The following SOBP variants were observed in gnomAD, a reference collection of about 807,000 sequenced individuals.
SOBP encodes the protein sine oculis binding protein homolog, also known as sine oculis-binding protein homolog.
Under a neutral mutation model 53.6 loss-of-function variants are expected in SOBP, and 4 were observed. That is an observed-to-expected ratio of 0.07 (90% CI 0.04 to 0.17). SOBP has a LOEUF of 0.17. Ranked by LOEUF, SOBP falls within the 10% of genes least tolerant of loss-of-function variation. SOBP has a pLI of 1.00. For missense variants in SOBP, 1,088 were observed against 1,204.7 expected (o/e 0.90, Z 1.43); for synonymous variants, 584 against 522.6 (o/e 1.12, Z -1.60).
chr6:107,585,814 A>G (rs1458857141), intron 4 of SOBP, among the ~76,000 whole-genome samples: 1 of 152,194 alleles, frequency 6.6e-6, no homozygotes, highest in Non-Finnish European at 1.5e-5. Flanking sequence ...TGTACAAAAT[A>G]TGGATCTCTT....
intron 5 of SOBP, among the ~76,000 whole-genome samples, chr6:107,629,689 G>A (rs1770619557): frequency 6.6e-6 from 1 of 152,248 alleles, no homozygotes; most frequent in African/African-American, 2.4e-5. Context: ...CTTTGGAGCA[G>A]TTGAGCGGTG....
chr6:107,620,138 A>G (rs1333305397), intron 5 of SOBP, among the ~76,000 whole-genome samples: 1 of 152,162 alleles, frequency 6.6e-6, no homozygotes, highest in Non-Finnish European at 1.5e-5. Flanking sequence ...CCACAGTGCT[A>G]ATAACTGAGC....
At position 107,644,496 on chromosome 6, in the gene SOBP, A is replaced by G. The variant is rs72945686; in HGVS notation, c.*3+9027A>G. ...ATAGGATCCTGTCTTTATCATAGGT[A>G]GCCTGTTTGTGCACTTAATATGAAA... On this transcript the variant is annotated intron_variant, in intron 6 of 6. Coordinates refer to ENST00000317357, the MANE Select transcript of SOBP (RefSeq NM_018013.4). Among the ~76,000 whole-genome samples, 1,265 of 152,314 alleles carry G rather than the reference A, an allele frequency of 8.3e-3. 10 individuals carry two copies. Among genetic ancestry groups the G allele is most frequent in the South Asian group, 0.033 (157 of 4,810 alleles).
intron 5 of SOBP, among the ~76,000 whole-genome samples, chr6:107,601,198 C>A (rs565406343): frequency 1.3e-5 from 2 of 152,092 alleles, no homozygotes; most frequent in African/African-American, 4.8e-5. Context: ...TTCTGAGTTG[C>A]GGAGTTTCTT....
rs541187554 is a variant in SOBP at position 107,574,697 on chromosome 6, C to T, written c.574-12383C>T. Among the ~76,000 whole-genome samples, 13 of 152,266 alleles carry T rather than the reference C, an allele frequency of 8.5e-5. No individual in the cohort carries two copies. In the South Asian group the frequency reaches 2.7e-3, roughly 32 times the overall value. ...CACCATCCTCGTTCTCCCATCCTTGCCTCATCTTGGTCCCATACCCCAAGT... is the reference window on the plus strand; with the variant it reads ...CACCATCCTCGTTCTCCCATCCTTGTCTCATCTTGGTCCCATACCCCAAGT... On this transcript the variant is annotated intron_variant, in intron 4 of 6. Transcript: ENST00000317357.
chr6:107,654,233 C>T (rs1020830667), intron 6 of SOBP, among the ~76,000 whole-genome samples: 2 of 152,168 alleles, frequency 1.3e-5, no homozygotes, highest in Non-Finnish European at 2.9e-5. Flanking sequence ...ATGGTACATA[C>T]ATAGTACATG....
At chr6:107,638,898 A>AT (rs1189042745) in intron 6 of SOBP, among the ~76,000 whole-genome samples, 18 of 105,226 alleles carry the variant, frequency 1.7e-4, no homozygotes, top group Non-Finnish European at 2.9e-4. Flanking sequence ...TATTATTTTT[A>AT]TTTTATTTTA....
rs80315464 is a variant in SOBP at position 107,588,507 on chromosome 6, T to C, written c.669+1332T>C. ...CTAGCATTACCTATTCTGAGGAAACTCTTTTTGTTCATTTCGGTTTTAATG... is the reference window on the plus strand; with the variant it reads ...CTAGCATTACCTATTCTGAGGAAACCCTTTTTGTTCATTTCGGTTTTAATG... On this transcript the variant is annotated intron_variant, in intron 5 of 6. Transcript: ENST00000317357. Among the ~76,000 whole-genome samples, 1,959 of 152,352 alleles carry C rather than the reference T, an allele frequency of 0.013. 84 individuals are homozygous for C. In the East Asian group the frequency reaches 0.17, roughly 13 times the overall value.
At position 107,635,301 on chromosome 6, in the gene SOBP, G is replaced by A. The variant is rs201581201; in HGVS notation, c.2457G>A (p.Arg819=). The change falls in exon 6 of 7, where the codon CGG becomes CGA. Residue 819 remains arginine (R), a synonymous_variant. Coordinates refer to ENST00000317357, the MANE Select transcript of SOBP (RefSeq NM_018013.4). This position sits in a 1 kb window ranked among gnomAD's most constrained non-coding sequence, Gnocchi z 4.5. ...PADEDHAYAL[R]MLPKTGCVIQ... The stretch of plus-strand genomic sequence containing the variant: ...ACGAGGACCATGCCTATGCTCTGCG[G>A]ATGCTGCCCAAGACCGGCTGCGTGA... 1.1e-4 allele frequency: 172 copies of A among 1,613,890 alleles called. No individual in the cohort carries two copies. The highest frequency in any genetic ancestry group is 1.4e-4 in the Non-Finnish European group (163 of 1,180,006).
chr6:107,606,726 C>T (rs1786399152), intron 5 of SOBP, among the ~76,000 whole-genome samples: 1 of 152,208 alleles, frequency 6.6e-6, no homozygotes, highest in African/African-American at 2.4e-5. Flanking sequence ...CACTGGGATC[C>T]CCTCTTCCTC....
At chr6:107,618,633 G>C (rs1005998360) in intron 5 of SOBP, among the ~76,000 whole-genome samples, 5 of 152,174 alleles carry the variant, frequency 3.3e-5, no homozygotes, top group Non-Finnish European at 1.5e-5. Flanking sequence ...ACAGTCCTTT[G>C]TGTATAAATA....
chr6:107,578,830 T>C (rs918102639), intron 4 of SOBP, among the ~76,000 whole-genome samples: 1 of 152,098 alleles, frequency 6.6e-6, no homozygotes, highest in East Asian at 1.9e-4. Context: ...AGATAGTGAA[T>C]CTCCTCTGTA....
At chr6:107,584,182 A>G (rs1456459497) in intron 4 of SOBP, among the ~76,000 whole-genome samples, 3 of 151,860 alleles carry the variant, frequency 2.0e-5, no homozygotes, top group Admixed American at 6.6e-5. Context: ...AGAGCTTTCT[A>G]AAAACCACCT....
At chr6:107,547,729 G>T (rs1433594793) in intron 4 of SOBP, among the ~76,000 whole-genome samples, 1 of 152,202 alleles carries the variant, frequency 6.6e-6, no homozygotes, top group Non-Finnish European at 1.5e-5. Context: ...ATGGCAGATG[G>T]TTTAATACAT....
chr6:107,622,185 C>T (rs977379974), intron 5 of SOBP, among the ~76,000 whole-genome samples: 4 of 152,114 alleles, frequency 2.6e-5, no homozygotes, highest in African/African-American at 9.7e-5. Context: ...TTGATCCTCC[C>T]AGCAGCTCTT....
At chr6:107,566,986 A>G (rs1784936836) in intron 4 of SOBP, among the ~76,000 whole-genome samples, 1 of 152,220 alleles carries the variant, frequency 6.6e-6, no homozygotes. Flanking sequence ...ACCTGCAATG[A>G]TCTCTCTGCA....
intron 4 of SOBP, among the ~76,000 whole-genome samples, chr6:107,586,352 TTC>T (rs1427556688): frequency 6.6e-6 from 1 of 152,122 alleles, no homozygotes; most frequent in African/African-American, 2.4e-5. Context: ...TACCTCTCCC[TTC>T]TCTCCCACTC....
chr6:107,648,727 G>A (rs1771668488), intron 6 of SOBP, among the ~76,000 whole-genome samples: 1 of 152,010 alleles, frequency 6.6e-6, no homozygotes. Flanking sequence ...TGACTTTGGG[G>A]TTCTAGAAGC....
At chr6:107,651,689 G>C (rs866914798) in intron 6 of SOBP, among the ~76,000 whole-genome samples, 1 of 152,198 alleles carries the variant, frequency 6.6e-6, no homozygotes, top group Admixed American at 6.5e-5. Flanking sequence ...ATGCCAACTA[G>C]GACTTTCATA....
Sources: gnomAD v4.1 joint callset for allele counts (sites outside exome capture counted in the v4.1 genomes callset) on GRCh38, gnomAD v4.1.1 for gene constraint, Gnocchi (gnomAD v3.1) non-coding constraint, MANE v1.5 for transcripts, NCBI Gene and HGNC (gene_info 2026-07-23, HGNC 2026-07-21) for gene names.